Variants in SAMD15 observed in about 807,000 individuals in gnomAD.
The protein encoded by SAMD15 is sterile alpha motif domain-containing protein 15.
SAMD15 carries 37 observed loss-of-function variants against 50.5 expected under a neutral mutation model. The observed-to-expected ratio is 0.73, with a 90% CI of 0.56 to 0.96. SAMD15 has a LOEUF of 0.96. Ranked by LOEUF, SAMD15 falls within the 40% of genes least tolerant of loss-of-function variation. The pLI is 0.00. For missense variants in SAMD15, 789 were observed against 783.8 expected (o/e 1.01, Z -0.08); for synonymous variants, 255 against 282.8 (o/e 0.90, Z 0.99).
Position 77,378,762 on chromosome 14 carries a change from GT to G in SAMD15, c.1346del (p.Leu449CysfsTer3). 6.2e-7 allele frequency: 1 copy of G among 1,611,750 alleles called. No individual in the cohort carries two copies. The highest frequency in any genetic ancestry group is 8.5e-7 in the Non-Finnish European group (1 of 1,179,384). On this transcript the variant is annotated frameshift_variant, in exon 1 of 3. Transcript: ENST00000216471. LOFTEE classifies it high-confidence loss of function. ...LEHREPKRGK[L>X]SLSDKFRKEY... is the part of the protein sequence containing the mutation. ...AGCACCGTGAGCCTAAAAGAGGAAA[GT>G]TGTCACTAAGTGACAAATTTAGAAA...
rs1390936386 is a variant in SAMD15 at position 77,391,599 on chromosome 14, C to T, written c.*355C>T. 2 of 174,752 alleles carry T rather than the reference C, an allele frequency of 1.1e-5. No homozygotes were observed. The highest frequency in any genetic ancestry group is 3.1e-4 in the East Asian group (2 of 6,380). The allele number at this position is 174,752 out of a possible 1,614,324, so 10.8% of individuals were successfully genotyped here. The stretch of plus-strand genomic sequence containing the variant: ...CAAAGTGCTGGGATTACAAGCGTGA[C>T]CTACCGCACCTGGCCCTTTTTCTCC... On this transcript the variant is annotated 3_prime_UTR_variant, in exon 3 of 3. Transcript: ENST00000216471.
At chr14:77,379,823 G>T (rs1366602981) in intron 1 of SAMD15, among the ~76,000 whole-genome samples, 1 of 152,128 alleles carries the variant, frequency 6.6e-6, no homozygotes, top group African/African-American at 2.4e-5. Flanking sequence ...TAAAGTGTCT[G>T]CCCCAAATAT....
At chr14:77,388,634 A>T (rs1374085264) in intron 2 of SAMD15, among the ~76,000 whole-genome samples, 1 of 148,966 alleles carries the variant, frequency 6.7e-6, no homozygotes, top group Non-Finnish European at 1.5e-5. Flanking sequence ...TTTGAGATGG[A>T]ATCTCTCTGC....
chr14:77,383,917 C>T lies in SAMD15; in HGVS notation c.1788+3436C>T, dbSNP rs184356180. Among the ~76,000 whole-genome samples, 513 of 143,464 alleles carry T rather than the reference C, an allele frequency of 3.6e-3. 1 individual carries two copies. The highest frequency in any genetic ancestry group is 0.013 in the African/African-American group (481 of 36,594). The allele number at this position is 143,464 out of a possible 152,430, so 94.1% of individuals were successfully genotyped here. On this transcript the variant is annotated intron_variant, in intron 2 of 2. Coordinates refer to ENST00000216471, the MANE Select transcript of SAMD15 (RefSeq NM_001010860.4). ...CCTGGGAGGCGGAGGTTATAGTGAG[C>T]CAAGATTGTGCTCTCCATGAACTGC...
intron 1 of SAMD15, 99 bp from the exon 2 acceptor site, chr14:77,380,284 G>A (rs1893928808): frequency 1.2e-6 from 1 of 802,518 alleles, no homozygotes; most frequent in Non-Finnish European, 2.2e-6. Flanking sequence ...TTTTCTCAGG[G>A]TAGAACAAAC....
At position 77,391,133 on chromosome 14, in the gene SAMD15, A is replaced by AT. The variant is rs2139654735; in HGVS notation, c.1915dup (p.Ser639PhefsTer2). 1 of 1,613,742 alleles carries AT rather than the reference A, an allele frequency of 6.2e-7. No homozygotes were observed. Among genetic ancestry groups the AT allele is most frequent in the East Asian group, 2.2e-5 (1 of 44,878 alleles). On this transcript the variant is annotated frameshift_variant, in exon 3 of 3. Coordinates refer to ENST00000216471, the MANE Select transcript of SAMD15 (RefSeq NM_001010860.4). LOFTEE classifies it low-confidence loss of function (END_TRUNC). ...AGCAAAAAGGTCATACTGGGATAAA[A>AT]TCTGATTCCTTGACTTTATCTGAAT... is the stretch of plus-strand genomic sequence containing the variant.
intron 2 of SAMD15, among the ~76,000 whole-genome samples, chr14:77,388,498 C>A (rs1894033162): frequency 6.6e-6 from 1 of 151,762 alleles, no homozygotes; most frequent in Non-Finnish European, 1.5e-5. Flanking sequence ...TCACTGCAGT[C>A]TCAAACTCCT....
At chr14:77,384,590 T>G (rs951224685) in intron 2 of SAMD15, among the ~76,000 whole-genome samples, 2 of 152,140 alleles carry the variant, frequency 1.3e-5, no homozygotes, top group Non-Finnish European at 2.9e-5. Flanking sequence ...ATGTCCTCCC[T>G]TTTTTTTAAA....
chr14:77,380,660 C>A (rs891924862), intron 2 of SAMD15, among the ~76,000 whole-genome samples, 179 bp downstream of exon 2: 4 of 152,050 alleles, frequency 2.6e-5, no homozygotes, highest in African/African-American at 9.7e-5. Flanking sequence ...CATAAATATT[C>A]CAAGAACTGT....
chr14:77,391,478 C>A lies in SAMD15; in HGVS notation c.*234C>A. 2.6e-6 allele frequency: 1 copy of A among 379,362 alleles called. No individual in the cohort carries two copies. Among genetic ancestry groups the A allele is most frequent in the Non-Finnish European group, 4.7e-6 (1 of 213,762 alleles). 23.5% of individuals were successfully genotyped at this position (379,362 alleles called of 1,614,324 possible). On this transcript the variant is annotated 3_prime_UTR_variant, in exon 3 of 3. Transcript: ENST00000216471. The stretch of plus-strand genomic sequence containing the variant: ...GATTACAGGCATCCGCCATCATGCC[C>A]AGCTAATTTTTGTATTTTTAGTAGA...
chr14:77,378,557 G>C lies in SAMD15; in HGVS notation c.1139G>C (p.Gly380Ala). The change falls in exon 1 of 3, where the codon GGT (glycine) becomes GCT (alanine). Residue 380 changes from glycine to alanine, a missense_variant. This residue lies in a region of SAMD15 where 770 missense variants were observed against 745.4 expected (regional missense o/e 1.03). Coordinates refer to ENST00000216471, the MANE Select transcript of SAMD15 (RefSeq NM_001010860.4). ...AATCCACAGCCACCAGAGGAGACTGGTCCAGTGCTACCACAGGAGATCAAC... is the reference window on the plus strand; with the variant it reads ...AATCCACAGCCACCAGAGGAGACTGCTCCAGTGCTACCACAGGAGATCAAC... The part of the protein sequence containing the change: ...KKNPQPPEET[G>A]PVLPQEINPQ... 1 of 1,613,352 alleles carries C rather than the reference G, an allele frequency of 6.2e-7. No homozygotes were observed. The highest frequency in any genetic ancestry group is 1.1e-5 in the South Asian group (1 of 91,024).
chr14:77,384,984 A>T (rs1893987526), intron 2 of SAMD15, among the ~76,000 whole-genome samples: 1 of 151,924 alleles, frequency 6.6e-6, no homozygotes. Context: ...GGAGTTCAAG[A>T]CCACCTGACC....
At chr14:77,390,955 A>G in intron 2 of SAMD15, 53 bp from the exon 3 acceptor site, 2 of 1,054,132 alleles carry the variant, frequency 1.9e-6, no homozygotes, top group Non-Finnish European at 2.9e-6. Context: ...ACCTTCTTTG[A>G]TTTGGTTGTG....
intron 2 of SAMD15, among the ~76,000 whole-genome samples, chr14:77,383,949 G>T (rs1260726016): frequency 7.8e-6 from 1 of 128,294 alleles, no homozygotes; most frequent in Non-Finnish European, 1.5e-5. Context: ...CTGCACTCCA[G>T]CCTGGGTGAC....
At position 77,379,082 on chromosome 14, in the gene SAMD15, G is replaced by C. The variant is rs759146916; in HGVS notation, c.1664G>C (p.Ser555Thr). The part of the protein sequence containing the change: ...WDPEEVAEWI[S>T]QLGFPQYKEC... Reference sequence around the variant, plus strand: ...CCAGAGGAAGTTGCAGAGTGGATTAGCCAGCTAGGCTTCCCTCAATACAAG... The same window carrying C: ...CCAGAGGAAGTTGCAGAGTGGATTACCCAGCTAGGCTTCCCTCAATACAAG... Residue 555 changes from serine to threonine, a missense_variant, in exon 1 of 3, where the codon AGC (serine) becomes ACC (threonine). Physicochemically the swap from Ser to Thr is moderately conservative, Grantham distance 58. Coordinates refer to ENST00000216471, the MANE Select transcript of SAMD15 (RefSeq NM_001010860.4). The C allele has an allele frequency of 1.2e-6, 2 of 1,613,396 alleles. No homozygotes were observed. Among genetic ancestry groups the C allele is most frequent in the Non-Finnish European group, 8.5e-7 (1 of 1,179,558 alleles).
intron 2 of SAMD15, among the ~76,000 whole-genome samples, chr14:77,385,558 G>T (rs1313751193): frequency 6.6e-6 from 1 of 151,992 alleles, no homozygotes; most frequent in Admixed American, 6.6e-5. Context: ...CAAAGTGCTG[G>T]GATTATACCC....
intron 2 of SAMD15, among the ~76,000 whole-genome samples, chr14:77,382,413 G>A (rs754654850): frequency 4.6e-5 from 7 of 152,184 alleles, no homozygotes; most frequent in African/African-American, 1.2e-4. Flanking sequence ...GTGAGCCACC[G>A]CACCTAGCCT....
In SAMD15 at chr14:77,389,762, G is replaced by A. The variant is rs1894050005; in HGVS notation, c.1789-1246G>A. On this transcript the variant is annotated intron_variant, in intron 2 of 2. Coordinates refer to ENST00000216471, the MANE Select transcript of SAMD15 (RefSeq NM_001010860.4). ...GATCTGCCTGCCTTGGCCTCCCAAA[G>A]TGCTGGGATTACAGGCGTGGCGTGA... Among the ~76,000 whole-genome samples, 3 of 152,248 alleles carry A rather than the reference G, an allele frequency of 2.0e-5. No individual in the cohort carries two copies. In the South Asian group the frequency reaches 6.2e-4, roughly 32 times the overall value.
rs528695895 is a variant in SAMD15, at chr14:77,382,905, G to A, written c.1788+2424G>A. On this transcript the variant is annotated intron_variant, in intron 2 of 2. Coordinates refer to ENST00000216471, the MANE Select transcript of SAMD15 (RefSeq NM_001010860.4). The stretch of plus-strand genomic sequence containing the variant: ...TAATTTTTGTATTTTTAGTGGAGCC[G>A]GGGTTTCACCATGTTGGCCATGCTG... 5.1e-4 allele frequency among the ~76,000 whole-genome samples: 77 copies of A among 150,622 alleles called. 2 individuals are homozygous for A. In the South Asian group the frequency reaches 6.5e-3, roughly 13 times the overall value.
Sources: gnomAD v4.1 joint callset for allele counts (sites outside exome capture counted in the v4.1 genomes callset) on GRCh38, gnomAD v4.1.1 for gene constraint, gnomAD v4.1.1 regional missense constraint, MANE v1.5 for transcripts, NCBI Gene and HGNC (gene_info 2026-07-23, HGNC 2026-07-21) for gene names.